Variants in LPGAT1 observed in about 807,000 individuals in gnomAD.
LPGAT1 encodes lysophosphatidylglycerol acyltransferase 1.
A neutral mutation model predicts 47.5 loss-of-function variants in LPGAT1; 11 were observed. The ratio of observed to expected loss-of-function variants is 0.23; its 90% CI spans 0.15 to 0.38. LPGAT1 has a LOEUF of 0.38. LPGAT1 is among the 10% of genes least tolerant of loss of function. The probability of loss-of-function intolerance (pLI) is 1.00; values close to 1 mark genes in which losing one functional copy is unlikely to be tolerated. For synonymous variants in LPGAT1, 138 were observed against 144.2 expected (o/e 0.96, Z 0.31); for missense variants, 293 against 439.0 (o/e 0.67, Z 2.97).
intron 2 of LPGAT1, among the ~76,000 whole-genome samples, chr1:211,817,685 T>C (rs1466856385): frequency 1.3e-5 from 2 of 152,140 alleles, no homozygotes; most frequent in African/African-American, 4.8e-5. Context: ...CTGGCAACAT[T>C]TTACCATGTC....
intron 2 of LPGAT1, among the ~76,000 whole-genome samples, chr1:211,795,802 T>G (rs1405134928): frequency 6.6e-6 from 1 of 152,202 alleles, no homozygotes; most frequent in African/African-American, 2.4e-5. Context: ...CAACATTCTT[T>G]CATTAATACA....
At chr1:211,828,420 C>A (rs1660610058) in intron 2 of LPGAT1, among the ~76,000 whole-genome samples, 1 of 152,082 alleles carries the variant, frequency 6.6e-6, no homozygotes, top group Non-Finnish European at 1.5e-5. Flanking sequence ...CTCTTGCTTC[C>A]CCAAATGCAA....
chr1:211,774,130 G>GTTTTTTTTTTTTT (rs1158580879), intron 6 of LPGAT1, among the ~76,000 whole-genome samples: 4 of 14,654 alleles, frequency 2.7e-4, no homozygotes, highest in South Asian at 2.4e-3. Flanking sequence ...TTTTTTAAAA[G>GTTTTTTTTTTTTT]TCTTTTTTTT....
intron 6 of LPGAT1, among the ~76,000 whole-genome samples, chr1:211,768,694 G>C (rs922677416): frequency 2.0e-5 from 3 of 152,168 alleles, no homozygotes; most frequent in African/African-American, 4.8e-5. Flanking sequence ...TTATCTCTAT[G>C]AAATGAGCTT....
intron 2 of LPGAT1, among the ~76,000 whole-genome samples, chr1:211,801,027 G>A (rs1258653405): frequency 1.3e-5 from 2 of 152,184 alleles, no homozygotes; most frequent in Non-Finnish European, 2.9e-5. Context: ...CTACAGTGAG[G>A]CTCAATGTTG....
Position 211,830,704 on chromosome 1 carries a change from C to T in LPGAT1, c.-159G>A, listed in dbSNP as rs911167920. The stretch of plus-strand genomic sequence containing the variant: ...CGCTCCGGCTGTGGCGCGGCCCGCG[C>T]CCGTTCCCCGGCGGCGCCGAGACTC... On this transcript the variant is annotated 5_prime_UTR_variant, in exon 1 of 8. Coordinates refer to ENST00000366997, the MANE Select transcript of LPGAT1 (RefSeq NM_014873.3). This position sits in a 1 kb window ranked among gnomAD's most constrained non-coding sequence, Gnocchi z 5.9. The T allele has an allele frequency of 5.9e-6, 7 of 1,187,774 alleles. No homozygotes were observed. The highest frequency in any genetic ancestry group is 6.3e-6 in the Non-Finnish European group (6 of 959,734). 73.6% of individuals were successfully genotyped at this position (1,187,774 alleles called of 1,614,324 possible).
intron 6 of LPGAT1, among the ~76,000 whole-genome samples, chr1:211,765,705 T>C (rs1254238495): frequency 3.9e-5 from 6 of 152,236 alleles, no homozygotes; most frequent in Admixed American, 3.9e-4. Flanking sequence ...TTCAAGATCA[T>C]ATTATATCCA....
At chr1:211,777,483 C>T (rs1420198729) in intron 6 of LPGAT1, among the ~76,000 whole-genome samples, 1 of 152,050 alleles carries the variant, frequency 6.6e-6, no homozygotes, top group Non-Finnish European at 1.5e-5. Flanking sequence ...CAAAACCAAA[C>T]AGGCCTTATC....
chr1:211,821,548 G>A (rs1444992640), intron 2 of LPGAT1, among the ~76,000 whole-genome samples: 1 of 152,140 alleles, frequency 6.6e-6, no homozygotes, highest in Non-Finnish European at 1.5e-5. Flanking sequence ...GCAGAGAGAA[G>A]TATAATAAGC....
intron 3 of LPGAT1, 68 bp downstream of exon 3, chr1:211,793,004 C>T: frequency 9.1e-7 from 1 of 1,102,904 alleles, no homozygotes; most frequent in Non-Finnish European, 1.3e-6. Flanking sequence ...GCCACCATGC[C>T]CGGCCAAATG....
Position 211,777,555 on chromosome 1 carries a change from A to G in LPGAT1, c.854+1363T>C, listed in dbSNP as rs191149901. 1.8e-4 allele frequency among the ~76,000 whole-genome samples: 27 copies of G among 152,296 alleles called. No homozygotes were observed. In the East Asian group the frequency reaches 4.8e-3, roughly 27 times the overall value. ...TATATAAACTCCTTAAAAAAACTAC[A>G]TTAAAAAAACAAGAAGCTAGCATAG... On this transcript the variant is annotated intron_variant, in intron 6 of 7. Coordinates refer to ENST00000366997, the MANE Select transcript of LPGAT1 (RefSeq NM_014873.3).
intron 6 of LPGAT1, among the ~76,000 whole-genome samples, chr1:211,753,985 G>C (rs963715922): frequency 2.0e-5 from 3 of 152,176 alleles, no homozygotes; most frequent in Admixed American, 6.5e-5. Flanking sequence ...TTCCTGCTTA[G>C]AGAGTGAAGG....
intron 4 of LPGAT1, among the ~76,000 whole-genome samples, chr1:211,786,833 C>T (rs1658896845): frequency 6.6e-6 from 1 of 151,996 alleles, no homozygotes; most frequent in Admixed American, 6.6e-5. Context: ...TACAACAGTG[C>T]CTTGTAAATA....
chr1:211,768,822 G>A (rs898801698), intron 6 of LPGAT1, among the ~76,000 whole-genome samples: 1 of 152,184 alleles, frequency 6.6e-6, no homozygotes, highest in African/African-American at 2.4e-5. Flanking sequence ...GTGGTAAGAG[G>A]ACATTTGAGC....
At chr1:211,750,815 C>T in intron 7 of LPGAT1, 146 bp downstream of exon 7, 1 of 612,054 alleles carries the variant, frequency 1.6e-6, no homozygotes, top group Non-Finnish European at 2.9e-6. Flanking sequence ...CCAGGGTAAG[C>T]TGATTCATGA....
intron 3 of LPGAT1, among the ~76,000 whole-genome samples, chr1:211,791,798 ATTGT>A (rs1283397458): frequency 6.8e-6 from 1 of 147,400 alleles, no homozygotes; most frequent in African/African-American, 2.4e-5. Flanking sequence ...AAAAAAAAAC[ATTGT>A]TTGTGATACC....
chr1:211,770,449 G>A (rs2102516866), intron 6 of LPGAT1, among the ~76,000 whole-genome samples: 1 of 152,018 alleles, frequency 6.6e-6, no homozygotes, highest in Non-Finnish European at 1.5e-5. Flanking sequence ...TTTCTTCTGG[G>A]TTTTAAATAC....
rs144333255 is a variant in LPGAT1 at position 211,830,080 on chromosome 1, AGAG to A, written c.-28+490_-28+492del. ...GGAAGCAGGGGATGATGAAAGGGGC[AGAG>A]AAGAGGCGACCGCAGCGCGGGGAGC... On this transcript the variant is annotated intron_variant, in intron 1 of 7. Coordinates refer to ENST00000366997, the MANE Select transcript of LPGAT1 (RefSeq NM_014873.3). The surrounding 1 kb of genome is among the most constrained non-coding windows in gnomAD (Gnocchi z 5.9). 6.3e-3 allele frequency: 6,228 copies of A among 985,042 alleles called. 238 individuals carry two copies. The African/African-American group carries it at 0.091, about 14-fold the overall frequency. 61.0% of individuals were successfully genotyped at this position (985,042 alleles called of 1,614,324 possible). A position where few individuals can be genotyped will look rare whatever the true frequency, so the allele number is the denominator to read the frequency against.
chr1:211,766,738 C>T (rs1657932722), intron 6 of LPGAT1, among the ~76,000 whole-genome samples: 3 of 152,158 alleles, frequency 2.0e-5, no homozygotes, highest in South Asian at 2.1e-4. Flanking sequence ...GAGTAGTGTA[C>T]CGCATATCAC....
Sources: allele counts gnomAD v4.1 joint callset (sites outside exome capture counted in the v4.1 genomes callset), GRCh38; gene constraint gnomAD v4.1.1; non-coding constraint Gnocchi (gnomAD v3.1); transcripts MANE v1.5; gene names NCBI Gene and HGNC (gene_info 2026-07-23, HGNC 2026-07-21).